The following ERG variants were observed in gnomAD, a reference collection of about 807,000 sequenced individuals.
The protein encoded by ERG is transcriptional regulator ERG.
A neutral mutation model predicts 55.3 loss-of-function variants in ERG; 9 were observed. The observed-to-expected ratio is 0.16, with a 90% CI of 0.10 to 0.28. ERG has a LOEUF of 0.28. Ranked by LOEUF, ERG falls within the 10% of genes least tolerant of loss-of-function variation. The pLI is 1.00. For missense variants in ERG, 434 were observed against 631.6 expected (o/e 0.69, Z 3.35); for synonymous variants, 223 against 237.3 (o/e 0.94, Z 0.55).
intron 1 of ERG, among the ~76,000 whole-genome samples, chr21:38,656,684 G>T (rs2060521154): frequency 6.6e-6 from 1 of 152,154 alleles, no homozygotes; most frequent in South Asian, 2.1e-4. Context: ...ATGGAAATAG[G>T]ACGATAGTAC....
intron 3 of ERG, among the ~76,000 whole-genome samples, chr21:38,413,441 C>T (rs2146479964): frequency 6.6e-6 from 1 of 152,194 alleles, no homozygotes; most frequent in Middle Eastern, 3.4e-3. Context: ...TTATGCTTTA[C>T]TTCATTCATT....
intron 6 of ERG, among the ~76,000 whole-genome samples, chr21:38,397,103 A>T (rs975611292): frequency 6.6e-6 from 1 of 152,080 alleles, no homozygotes; most frequent in Middle Eastern, 3.2e-3. Context: ...AGGAAAAGGG[A>T]TGAGGTTTGG....
rs527460806 is a variant in ERG, at chr21:38,636,703, C to A, written c.-150+24955G>T. On this transcript the variant is annotated intron_variant, in intron 1 of 10. Transcript: ENST00000398910. The stretch of plus-strand genomic sequence containing the variant: ...TCTCCTCTCCCACCTGGGCTGGCTG[C>A]AGCAGCTCTGCAGGATGTCACCCAA... Among the ~76,000 whole-genome samples, 27 of 152,224 alleles carry A rather than the reference C, an allele frequency of 1.8e-4. 1 individual carries two copies. In the South Asian group the frequency reaches 5.6e-3, roughly 32 times the overall value.
In ERG at chr21:38,464,077, G is replaced by GTT. The variant is rs573459020; in HGVS notation, c.19-18458_19-18457dup. ...GGATGAGCACTGGGGATGGGTTCAT[G>GTT]TTTTTTTTTTATGAAATAATTCAGA... On this transcript the variant is annotated intron_variant, in intron 1 of 9. Transcript: ENST00000288319. 2.7e-5 allele frequency among the ~76,000 whole-genome samples: 4 copies of GTT among 148,584 alleles called. No homozygotes were observed. In the South Asian group the frequency reaches 8.5e-4, roughly 32 times the overall value.
At chr21:38,491,374 T>C (rs964443880) in intron 1 of ERG, among the ~76,000 whole-genome samples, 2 of 152,150 alleles carry the variant, frequency 1.3e-5, no homozygotes, top group Admixed American at 6.5e-5. Flanking sequence ...CAATACTTGG[T>C]AAATTTAAAA....
intron 1 of ERG, among the ~76,000 whole-genome samples, chr21:38,621,003 C>G (rs536214148): frequency 6.6e-6 from 1 of 152,196 alleles, no homozygotes; most frequent in Non-Finnish European, 1.5e-5. Flanking sequence ...TGAGAGAACT[C>G]GAACTACTGG....
chr21:38,550,101 G>A (rs150582746), intron 2 of ERG, among the ~76,000 whole-genome samples: 5 of 152,286 alleles, frequency 3.3e-5, no homozygotes, highest in African/African-American at 9.6e-5. Flanking sequence ...CAGGTTCTAC[G>A]CCCGGTGGTG....
At chr21:38,508,350 C>T (rs934127820) in intron 2 of ERG, among the ~76,000 whole-genome samples, 4 of 151,808 alleles carry the variant, frequency 2.6e-5, no homozygotes, top group Admixed American at 2.0e-4. Context: ...ATGGGATTTC[C>T]GTCTCAATAA....
intron 2 of ERG, among the ~76,000 whole-genome samples, chr21:38,509,103 A>G (rs145009293): frequency 9.2e-5 from 14 of 152,162 alleles, no homozygotes; most frequent in Admixed American, 2.6e-4. Flanking sequence ...AGCAAATAAT[A>G]TCTATCTCAG....
chr21:38,449,862 T>C (rs181956499), intron 1 of ERG, among the ~76,000 whole-genome samples: 64 of 152,190 alleles, frequency 4.2e-4, no homozygotes, highest in African/African-American at 1.3e-3. Flanking sequence ...ACTGAGAAAA[T>C]CTTTAAGAAT....
chr21:38,623,007 A>C, intron 1 of ERG, among the ~76,000 whole-genome samples: 1 of 138,624 alleles, frequency 7.2e-6, no homozygotes, highest in African/African-American at 2.7e-5. Flanking sequence ...CACACACACA[A>C]AGCATGCACA....
At chr21:38,418,943 AAAAAAAAG>A (rs1461183952) in intron 3 of ERG, among the ~76,000 whole-genome samples, 14 of 147,476 alleles carry the variant, frequency 9.5e-5, no homozygotes, top group African/African-American at 3.7e-4. Flanking sequence ...AAAAAAAAAA[AAAAAAAAG>A]AAAGAAAGAA....
chr21:38,632,612 G>GCTCT (rs961977500), intron 1 of ERG, among the ~76,000 whole-genome samples: 1 of 151,702 alleles, frequency 6.6e-6, no homozygotes, highest in Non-Finnish European at 1.5e-5. Flanking sequence ...CCCTGCACAT[G>GCTCT]CTCTCTCTCT....
At chr21:38,387,662 C>T (rs1421344295) in intron 9 of ERG, among the ~76,000 whole-genome samples, 2 of 152,200 alleles carry the variant, frequency 1.3e-5, no homozygotes, top group East Asian at 3.9e-4. Flanking sequence ...TAACACTCCT[C>T]TCCTATAGCC....
chr21:38,514,376 A>G (rs1568872151), intron 2 of ERG, among the ~76,000 whole-genome samples: 1 of 151,948 alleles, frequency 6.6e-6, no homozygotes, highest in Non-Finnish European at 1.5e-5. Flanking sequence ...ATAAAATTCT[A>G]GAAAACAAAA....
intron 2 of ERG, among the ~76,000 whole-genome samples, chr21:38,438,178 C>T (rs2058808335): frequency 6.6e-6 from 1 of 152,226 alleles, no homozygotes. Context: ...GCCTTTGCAG[C>T]TTTACTCAAA....
intron 1 of ERG, among the ~76,000 whole-genome samples, chr21:38,488,461 G>T (rs2059307041): frequency 6.6e-6 from 1 of 152,100 alleles, no homozygotes; most frequent in Non-Finnish European, 1.5e-5. Context: ...CTACAAAGGG[G>T]CCAGTCTGCA....
chr21:38,596,521 A>G (rs1445289351), intron 1 of ERG, among the ~76,000 whole-genome samples: 2 of 152,238 alleles, frequency 1.3e-5, no homozygotes, highest in Admixed American at 6.5e-5. Flanking sequence ...GTCAAAGCCC[A>G]GGAAGAGTGG....
intron 1 of ERG, among the ~76,000 whole-genome samples, chr21:38,491,962 G>GTTGTTTCT (rs2059339942): frequency 7.5e-6 from 1 of 133,862 alleles, no homozygotes; most frequent in Non-Finnish European, 1.8e-5. Context: ...TATAAGAATT[G>GTTGTTTCT]CTGCCTATGG....
Sources: gnomAD v4.1 joint callset for allele counts (sites outside exome capture counted in the v4.1 genomes callset) on GRCh38, gnomAD v4.1.1 for gene constraint, MANE v1.5 for transcripts, NCBI Gene and HGNC (gene_info 2026-07-23, HGNC 2026-07-21) for gene names.